Variants in EIF4G3 observed in about 807,000 individuals in gnomAD.
The protein encoded by EIF4G3 is eukaryotic translation initiation factor 4 gamma 3, also known as eIF-4-gamma 3.
A neutral mutation model predicts 186.4 loss-of-function variants in EIF4G3; 34 were observed. That is an observed-to-expected ratio of 0.18 (90% CI 0.14 to 0.24). The LOEUF is 0.24. Ranked by LOEUF, EIF4G3 falls within the 10% of genes least tolerant of loss-of-function variation. The probability of loss-of-function intolerance (pLI) is 1.00; values close to 1 mark genes in which losing one functional copy is unlikely to be tolerated. For missense variants in EIF4G3, 1,536 were observed against 1,948.5 expected, an observed-to-expected ratio of 0.79 and a Z score of 3.99; for synonymous variants, 673 against 679.5, an observed-to-expected ratio of 0.99 and a Z score of 0.15.
At chr1:20,988,109 C>G (rs1010361122) in intron 7 of EIF4G3, among the ~76,000 whole-genome samples, 5 of 152,150 alleles carry the variant, frequency 3.3e-5, no homozygotes, top group African/African-American at 1.2e-4. Flanking sequence ...TCTGTGAAGG[C>G]TGAGAGGTAA....
At chr1:21,142,734 T>G (rs2097361864) in intron 2 of EIF4G3, among the ~76,000 whole-genome samples, 1 of 152,124 alleles carries the variant, frequency 6.6e-6, no homozygotes. Context: ...CTTCTATAAT[T>G]TATCCCCAAA....
At chr1:20,960,091 G>GT (rs1390450906) in intron 12 of EIF4G3, among the ~76,000 whole-genome samples, 1 of 152,174 alleles carries the variant, frequency 6.6e-6, no homozygotes, top group Non-Finnish European at 1.5e-5. Context: ...ATTTGAAAAC[G>GT]TATGTTTATA....
chr1:21,087,575 G>C (rs896907807), intron 3 of EIF4G3, among the ~76,000 whole-genome samples: 1 of 151,964 alleles, frequency 6.6e-6, no homozygotes. Context: ...CAGGAGGACT[G>C]CTTGAGCTCG....
Position 20,807,110 on chromosome 1 carries a change from G to A in EIF4G3, c.*209C>T. The A allele has an allele frequency of 2.7e-6, 1 of 371,938 alleles. No individual in the cohort carries two copies. Among genetic ancestry groups the A allele is most frequent in the East Asian group, 4.0e-5 (1 of 25,308 alleles). 23.0% of individuals were successfully genotyped at this position (371,938 alleles called of 1,614,324 possible). A position where few individuals can be genotyped will look rare whatever the true frequency, so the allele number is the denominator to read the frequency against. Reference sequence around the variant, plus strand: ...AAATAATACATGTATTTTGGTTTTAGTGCTCCCGCCCTAAGGTTTGAAGTT... The same window carrying A: ...AAATAATACATGTATTTTGGTTTTAATGCTCCCGCCCTAAGGTTTGAAGTT... On this transcript the variant is annotated 3_prime_UTR_variant, in exon 37 of 37. Coordinates refer to ENST00000602326, the MANE Select transcript of EIF4G3 (RefSeq NM_001391906.1).
At chr1:20,992,450 T>C (rs1212535258) in intron 7 of EIF4G3, among the ~76,000 whole-genome samples, 2 of 152,194 alleles carry the variant, frequency 1.3e-5, no homozygotes, top group East Asian at 1.9e-4. Flanking sequence ...AGTTTCTTTT[T>C]CACAAAAAGA....
At chr1:20,910,603 A>C (rs1455624477) in intron 14 of EIF4G3, among the ~76,000 whole-genome samples, 1 of 152,144 alleles carries the variant, frequency 6.6e-6, no homozygotes, top group African/African-American at 2.4e-5. Context: ...AAACAAAAAC[A>C]AAACAAAACA....
At chr1:21,003,157 G>A (rs958537098) in intron 4 of EIF4G3, among the ~76,000 whole-genome samples, 3 of 142,708 alleles carry the variant, frequency 2.1e-5, no homozygotes, top group African/African-American at 5.1e-5. Context: ...GCACTGTGCC[G>A]GACTAATTTT....
In EIF4G3 at chr1:21,097,940, TA is replaced by T. The variant is rs201976994; in HGVS notation, c.-271-8728del. Reference sequence around the variant, plus strand: ...TAACACATCAAAAGCATGATGTATTTAAAAAAAAAAATTGATATGACCAGGC... The same window carrying T: ...TAACACATCAAAAGCATGATGTATTTAAAAAAAAAATTGATATGACCAGGC... On this transcript the variant is annotated intron_variant, in intron 2 of 36. Coordinates refer to ENST00000602326, the MANE Select transcript of EIF4G3 (RefSeq NM_001391906.1). Among the ~76,000 whole-genome samples, 49 of 148,994 alleles carry T rather than the reference TA, an allele frequency of 3.3e-4. 1 individual carries two copies. Among genetic ancestry groups the T allele is most frequent in the Admixed American group, 7.4e-4 (11 of 14,902 alleles).
chr1:20,997,538 A>C (rs551379421), intron 7 of EIF4G3, 63 bp downstream of exon 7: 1 of 1,451,848 alleles, frequency 6.9e-7, no homozygotes, highest in East Asian at 2.5e-5. Context: ...TCTAAGAGTC[A>C]GCAGCTACTA....
At chr1:20,909,120 C>T (rs562050622) in intron 14 of EIF4G3, among the ~76,000 whole-genome samples, 1 of 151,808 alleles carries the variant, frequency 6.6e-6, no homozygotes, top group African/African-American at 2.4e-5. Context: ...CCACTGCACT[C>T]CAGCCTGGGC....
At chr1:21,121,469 C>A (rs1233776611) in intron 2 of EIF4G3, among the ~76,000 whole-genome samples, 1 of 151,832 alleles carries the variant, frequency 6.6e-6, no homozygotes, top group African/African-American at 2.4e-5. Flanking sequence ...TAATATATGA[C>A]CTAAATTATC....
At chr1:21,135,650 A>C (rs924858349) in intron 2 of EIF4G3, among the ~76,000 whole-genome samples, 6 of 152,338 alleles carry the variant, frequency 3.9e-5, no homozygotes, top group Admixed American at 3.9e-4. Flanking sequence ...AGTATTTAAT[A>C]ACACTAGAGT....
At chr1:21,011,626 C>A (rs1423731652) in intron 4 of EIF4G3, among the ~76,000 whole-genome samples, 1 of 152,196 alleles carries the variant, frequency 6.6e-6, no homozygotes, top group East Asian at 1.9e-4. Context: ...TGACAAGGAT[C>A]TGTGGTATTA....
At chr1:21,074,228 C>A (rs984730259) in intron 3 of EIF4G3, among the ~76,000 whole-genome samples, 3 of 152,126 alleles carry the variant, frequency 2.0e-5, no homozygotes, top group Admixed American at 6.6e-5. Context: ...TAGATACTTA[C>A]CTGGCCTCTA....
At chr1:20,851,710 A>C (rs1557916946) in intron 27 of EIF4G3, among the ~76,000 whole-genome samples, 1 of 152,176 alleles carries the variant, frequency 6.6e-6, no homozygotes, top group Non-Finnish European at 1.5e-5. Flanking sequence ...AAGGGATACT[A>C]TTTAACACTT....
At chr1:21,163,092 T>A (rs1010874207) in intron 2 of EIF4G3, among the ~76,000 whole-genome samples, 2 of 152,164 alleles carry the variant, frequency 1.3e-5, no homozygotes, top group African/African-American at 4.8e-5. Flanking sequence ...AAATTTACTG[T>A]CTACTATGTG....
intron 12 of EIF4G3, among the ~76,000 whole-genome samples, chr1:20,959,557 T>C (rs2154564449): frequency 6.6e-6 from 1 of 151,374 alleles, no homozygotes; most frequent in Admixed American, 6.6e-5. Context: ...TAAAAACCTT[T>C]TGCACAGCAA....
Position 20,810,960 on chromosome 1 carries a change from C to CT in EIF4G3, c.4598-77dup. On this transcript the variant is annotated intron_variant, in intron 35 of 36. Transcript: ENST00000602326. This position sits in a 1 kb window ranked among gnomAD's most constrained non-coding sequence, Gnocchi z 4.1. ...TTATCTTTAATTTTCTTTCTTTTTT[C>CT]TTTTTTTGAGACAGAGCCTCACTCT... 2.0e-6 allele frequency: 3 copies of CT among 1,464,102 alleles called. No individual in the cohort carries two copies. The highest frequency in any genetic ancestry group is 2.8e-6 in the Non-Finnish European group (3 of 1,082,678). 90.7% of individuals were successfully genotyped at this position (1,464,102 alleles called of 1,614,324 possible).
At chr1:20,851,759 T>A (rs1485859062) in intron 27 of EIF4G3, among the ~76,000 whole-genome samples, 1 of 152,168 alleles carries the variant, frequency 6.6e-6, no homozygotes, top group African/African-American at 2.4e-5. Flanking sequence ...GGCTCACACC[T>A]GTAATCCCAG....
Sources: allele counts gnomAD v4.1 joint callset (sites outside exome capture counted in the v4.1 genomes callset), GRCh38; gene constraint gnomAD v4.1.1; non-coding constraint Gnocchi (gnomAD v3.1); transcripts MANE v1.5; gene names NCBI Gene and HGNC (gene_info 2026-07-23, HGNC 2026-07-21).